Variants in PUM1 observed in about 807,000 individuals in gnomAD.
The protein encoded by PUM1 is pumilio homolog 1.
PUM1 carries 13 observed loss-of-function variants against 131.8 expected under a neutral mutation model. The ratio of observed to expected loss-of-function variants is 0.10; its 90% confidence interval spans 0.06 to 0.16. PUM1 has a LOEUF of 0.16. Among genes scored for constraint, PUM1 ranks in the 10% least tolerant of loss-of-function variants. The pLI is 1.00. For missense variants in PUM1, 961 were observed against 1,512.4 expected (o/e 0.64, Z 6.05); for synonymous variants, 509 against 556.5 (o/e 0.91, Z 1.20).
intron 2 of PUM1, among the ~76,000 whole-genome samples, 191 bp from the exon 3 acceptor site, chr1:31,029,055 T>C (rs1643321834): frequency 6.6e-6 from 1 of 152,196 alleles, no homozygotes; most frequent in African/African-American, 2.4e-5. Context: ...TGACCCCTAC[T>C]TTCTCCCCTC....
At chr1:30,984,260 C>T (rs1247356529) in intron 7 of PUM1, among the ~76,000 whole-genome samples, 1 of 152,176 alleles carries the variant, frequency 6.6e-6, no homozygotes, top group African/African-American at 2.4e-5. Context: ...CAGATTACAG[C>T]AATTTTGGCA....
chr1:31,050,471 C>CA (rs57470185), intron 2 of PUM1, among the ~76,000 whole-genome samples: 45,003 of 151,406 alleles, frequency 0.3, 7,032 homozygotes, highest in Non-Finnish European at 0.34. Flanking sequence ...GACTCTGTCT[C>CA]AAAAAAAAGA....
At chr1:30,975,811 T>C (rs1314182733) in intron 9 of PUM1, among the ~76,000 whole-genome samples, 1 of 152,014 alleles carries the variant, frequency 6.6e-6, no homozygotes, top group Admixed American at 6.6e-5. Flanking sequence ...TTAAACAAAA[T>C]TAAGCATTCT....
intron 6 of PUM1, among the ~76,000 whole-genome samples, chr1:30,993,530 C>T (rs953536188): frequency 2.0e-5 from 3 of 151,990 alleles, no homozygotes; most frequent in African/African-American, 7.2e-5. Context: ...CCCTTCTTCT[C>T]CACCTCCAAC....
intron 9 of PUM1, among the ~76,000 whole-genome samples, chr1:30,979,340 A>G (rs973735133): frequency 3.9e-5 from 6 of 152,180 alleles, no homozygotes; most frequent in African/African-American, 1.4e-4. Flanking sequence ...GCTACAATGT[A>G]TGGTGTTAGC....
At chr1:31,018,247 G>A (rs1414978817) in intron 3 of PUM1, among the ~76,000 whole-genome samples, 1 of 152,142 alleles carries the variant, frequency 6.6e-6, no homozygotes, top group Non-Finnish European at 1.5e-5. Flanking sequence ...TACTTGGGAG[G>A]CTGAGGCAGG....
At chr1:30,947,304 T>C (rs1400050564) in intron 17 of PUM1, among the ~76,000 whole-genome samples, 1 of 152,214 alleles carries the variant, frequency 6.6e-6, no homozygotes, top group Non-Finnish European at 1.5e-5. Context: ...GTCACATATT[T>C]CAAACTATGG....
intron 9 of PUM1, among the ~76,000 whole-genome samples, chr1:30,975,390 A>T (rs1641092625): frequency 6.6e-6 from 1 of 151,508 alleles, no homozygotes; most frequent in Admixed American, 6.6e-5. Flanking sequence ...TCTCTCTGTC[A>T]CCCAGGCTGG....
chr1:30,967,135 T>C (rs1640655857), intron 12 of PUM1, 32 bp downstream of exon 12: 1 of 1,608,854 alleles, frequency 6.2e-7, no homozygotes, highest in African/African-American at 1.3e-5. Context: ...CTTTTAGATC[T>C]CTGGCAGGAG....
chr1:31,023,924 C>CAA (rs11373685), intron 3 of PUM1, among the ~76,000 whole-genome samples: 1,461 of 81,612 alleles, frequency 0.018, 17 homozygotes, highest in East Asian at 0.038. Flanking sequence ...GACTCTGTCT[C>CAA]AAAAAAAAAA....
chr1:30,999,806 C>A lies in PUM1; in HGVS notation c.721-4586G>T, dbSNP rs572703270. Among the ~76,000 whole-genome samples the A allele has an allele frequency of 5.0e-4, 76 of 152,132 alleles. 2 individuals carry two copies. The South Asian group carries it at 5.6e-3, about 11-fold the overall frequency. ...AGTTTTATAAAGATAAGCCATTTTA[C>A]ACAAATGTAATATAATAGTAATAAA... On this transcript the variant is annotated intron_variant, in intron 5 of 21. Transcript: ENST00000426105.
At chr1:30,992,318 C>T (rs1641823745) in intron 7 of PUM1, 72 bp downstream of exon 7, 23 of 1,554,078 alleles carry the variant, frequency 1.5e-5, no homozygotes, top group Non-Finnish European at 1.7e-5. Context: ...CCCCATCCCC[C>T]CATTCTTAAT....
intron 18 of PUM1, among the ~76,000 whole-genome samples, chr1:30,945,105 G>A (rs890370427): frequency 6.6e-6 from 1 of 152,072 alleles, no homozygotes; most frequent in African/African-American, 2.4e-5. Flanking sequence ...GTGGTGGTAT[G>A]TGCCTGTAAT....
chr1:31,019,819 T>C (rs372172382), intron 3 of PUM1, among the ~76,000 whole-genome samples: 2 of 152,172 alleles, frequency 1.3e-5, no homozygotes, highest in Non-Finnish European at 2.9e-5. Flanking sequence ...TTCTGCATGA[T>C]ACAGGAACAG....
intron 7 of PUM1, 148 bp from the exon 8 acceptor site, chr1:30,981,553 G>T: frequency 1.9e-6 from 1 of 523,620 alleles, no homozygotes; most frequent in South Asian, 3.1e-5. Context: ...CATTCCCATG[G>T]GATTAAAATG....
chr1:31,042,842 G>A (rs1643864984), intron 2 of PUM1, among the ~76,000 whole-genome samples: 1 of 152,182 alleles, frequency 6.6e-6, no homozygotes, highest in South Asian at 2.1e-4. Context: ...TCGGCTCACT[G>A]CAGACTCCAC....
intron 7 of PUM1, among the ~76,000 whole-genome samples, chr1:30,982,471 C>T (rs1303041346): frequency 6.6e-6 from 1 of 152,226 alleles, no homozygotes; most frequent in African/African-American, 2.4e-5. Flanking sequence ...CTGAAGACTT[C>T]AATGTTTGCT....
intron 3 of PUM1, among the ~76,000 whole-genome samples, chr1:31,022,344 G>T (rs1643059909): frequency 6.6e-6 from 1 of 152,180 alleles, no homozygotes; most frequent in Non-Finnish European, 1.5e-5. Context: ...GTTGATGAAA[G>T]GGAAGAAATT....
chr1:30,933,555 T>C lies in PUM1; in HGVS notation c.3436-213A>G, dbSNP rs567763045. Among the ~76,000 whole-genome samples, 4 of 151,582 alleles carry C rather than the reference T, an allele frequency of 2.6e-5. No individual in the cohort carries two copies. In the South Asian group the frequency reaches 8.3e-4, roughly 32 times the overall value. On this transcript the variant is annotated intron_variant, in intron 21 of 21. Transcript: ENST00000426105. ...TCTAGCACTTTGGCAACCCATCAGA[T>C]GAGGAGAGGAGCTCCTACCCTGAGT...
Sources: allele counts gnomAD v4.1 joint callset (sites outside exome capture counted in the v4.1 genomes callset), GRCh38; gene constraint gnomAD v4.1.1; transcripts MANE v1.5; gene names NCBI Gene and HGNC (gene_info 2026-07-23, HGNC 2026-07-21).